The following ALDH3A1 variants were observed in gnomAD, a reference collection of about 807,000 sequenced individuals.
The protein encoded by ALDH3A1 is aldehyde dehydrogenase, dimeric NADP-preferring.
In ALDH3A1, 46 loss-of-function variants were observed where a neutral mutation model predicts 49.9. That is an observed-to-expected ratio of 0.92 (90% CI 0.73 to 1.18). The LOEUF is 1.18. Ranked by LOEUF, ALDH3A1 falls within the 50% of genes most tolerant of loss-of-function variation. The pLI, the probability that ALDH3A1 is intolerant of heterozygous loss-of-function variation, is 0.00. For missense variants in ALDH3A1, 592 were observed against 611.8 expected (o/e 0.97, Z 0.34); for synonymous variants, 269 against 253.3 (o/e 1.06, Z -0.59).
At chr17:19,742,426 C>G in intron 4 of ALDH3A1, 119 bp downstream of exon 4, 1 of 1,248,336 alleles carries the variant, frequency 8.0e-7, no homozygotes, top group Non-Finnish European at 1.1e-6. Context: ...GAACAATCCT[C>G]AGCCCCACCA....
rs553737482 is a variant in ALDH3A1, at chr17:19,740,469, G to A, written c.816C>T (p.Tyr272=). 16 of 1,613,874 alleles carry A rather than the reference G, an allele frequency of 9.9e-6. No homozygotes were observed. The highest frequency in any genetic ancestry group is 2.7e-5 in the African/African-American group (2 of 74,932). The change falls in exon 7 of 11, where the codon TAC becomes TAT. Residue 272 remains tyrosine (Y), a synonymous_variant. Coordinates refer to ENST00000225740, the MANE Select transcript of ALDH3A1 (RefSeq NM_000691.5). ...CCCGGGATTTCTTAGCATCTTCCCC[G>A]TAGAACTCCTGTGGAGAAGAGGTGG... ...EKLKKSLKEF[Y]GEDAKKSRDY... is the part of the protein sequence containing the mutation.
Position 19,742,395 on chromosome 17 carries a change from A to G in ALDH3A1, c.480+150T>C, listed in dbSNP as rs2152374822. Reference sequence around the variant, plus strand: ...TGGCCCAGGGGCTCTGTTCACCCCAATGAGAGAGGGCAGCTGCTAAGAACA... The same window carrying G: ...TGGCCCAGGGGCTCTGTTCACCCCAGTGAGAGAGGGCAGCTGCTAAGAACA... On this transcript the variant is annotated intron_variant, in intron 4 of 10. Transcript: ENST00000225740. 4.6e-6 allele frequency: 5 copies of G among 1,093,230 alleles called. No homozygotes were observed. The South Asian group carries it at 7.7e-5, about 17-fold the overall frequency. The allele number at this position is 1,093,230 out of a possible 1,614,324, so 67.7% of individuals were successfully genotyped here. A position where few individuals can be genotyped will look rare whatever the true frequency, so the allele number is the denominator to read the frequency against.
chr17:19,739,822 C>G, intron 7 of ALDH3A1, 148 bp from the exon 8 acceptor site: 4 of 990,084 alleles, frequency 4.0e-6, no homozygotes, highest in Non-Finnish European at 5.8e-6. Context: ...AGAGAGGTAC[C>G]CTAGGCACCT....
In ALDH3A1 at chr17:19,743,025, A is replaced by G. The variant is rs1403193067; in HGVS notation, c.394+207T>C. On this transcript the variant is annotated intron_variant, in intron 3 of 10. Transcript: ENST00000225740. The surrounding 1 kb of genome is among the most constrained non-coding windows in gnomAD (Gnocchi z 4.4). ...GTGGGGGAAGGCAGGCCCTCTCTGT[A>G]TCACCAGGTGTGGACACCTGAGCCT... 1 of 1,531,914 alleles carries G rather than the reference A, an allele frequency of 6.5e-7. No individual in the cohort carries two copies. Among genetic ancestry groups the G allele is most frequent in the Non-Finnish European group, 8.7e-7 (1 of 1,145,028 alleles). The allele number at this position is 1,531,914 out of a possible 1,614,324, so 94.9% of individuals were successfully genotyped here. A position where few individuals can be genotyped will look rare whatever the true frequency, so the allele number is the denominator to read the frequency against.
Position 19,738,179 on chromosome 17 carries a change from G to A in ALDH3A1, c.*42C>T, listed in dbSNP as rs532568627. 49 of 1,613,430 alleles carry A rather than the reference G, an allele frequency of 3.0e-5. No individual in the cohort carries two copies. The highest frequency in any genetic ancestry group is 1.6e-4 in the African/African-American group (12 of 74,994). ...AGCCAGTGAGGGTGGTCCGCACTCC[G>A]ATGGGACACAGTATGGCCAGGCCAG... On this transcript the variant is annotated 3_prime_UTR_variant, in exon 11 of 11. Coordinates refer to ENST00000225740, the MANE Select transcript of ALDH3A1 (RefSeq NM_000691.5).
intron 9 of ALDH3A1, 55 bp from the exon 10 acceptor site, chr17:19,738,508 G>A: frequency 6.3e-7 from 1 of 1,585,734 alleles, no homozygotes. Flanking sequence ...GACGCCCCAG[G>A]TTTCCCTCTC....
intron 2 of ALDH3A1, chr17:19,744,135 T>C (rs1452842317): frequency 7.1e-6 from 7 of 985,040 alleles, no homozygotes; most frequent in Non-Finnish European, 8.4e-6. Flanking sequence ...CTGTGGCTCA[T>C]GCCTGTAATC....
chr17:19,744,364 T>C, intron 2 of ALDH3A1: 13 of 951,322 alleles, frequency 1.4e-5, no homozygotes, highest in Non-Finnish European at 1.6e-5. Context: ...GATCGCGCCA[T>C]TACACTCCAG....
rs762196648 is a variant in ALDH3A1, at chr17:19,745,069, G to T, written c.61C>A (p.Arg21Ser). Residue 21 changes from arginine to serine, a missense_variant, in exon 2 of 11, where the codon CGT becomes AGT. Transcript: ENST00000225740. The stretch of plus-strand genomic sequence containing the variant: ...TGCTGGATCCGGAACTGCAGCGGAC[G>T]GGTCCTGCCCGAGCTGAAGGCGGCG... Reference protein sequence around the residue: ...ARAAFSSGRTRPLQFRIQQLE... With the variant: ...ARAAFSSGRTSPLQFRIQQLE... The T allele has an allele frequency of 7.5e-6, 12 of 1,596,220 alleles. No homozygotes were observed. The Admixed American group carries it at 2.0e-4, about 27-fold the overall frequency.
At chr17:19,747,486 C>G (rs150321309) in intron 1 of ALDH3A1, among the ~76,000 whole-genome samples, 4 of 152,362 alleles carry the variant, frequency 2.6e-5, no homozygotes, top group Non-Finnish European at 4.4e-5. Flanking sequence ...GTGGGAAGAG[C>G]CTGGTGAGCG....
At chr17:19,742,976 A>C (rs1212085800) in intron 3 of ALDH3A1, 1 of 1,528,192 alleles carries the variant, frequency 6.5e-7, no homozygotes, top group East Asian at 2.5e-5. Flanking sequence ...ATTAGGTGAC[A>C]GAAGCTCCAG....
rs947418116 is a variant in ALDH3A1, at chr17:19,748,032, C to T, written c.-6+227G>A. ...CGGCCCATCAGGGCCTCTCACTCCACGGCCACCTTGGTGTCCCTGCTCCGC... is the reference window on the plus strand; with the variant it reads ...CGGCCCATCAGGGCCTCTCACTCCATGGCCACCTTGGTGTCCCTGCTCCGC... On this transcript the variant is annotated intron_variant, in intron 1 of 10. Transcript: ENST00000225740. The surrounding 1 kb of genome is among the most constrained non-coding windows in gnomAD (Gnocchi z 4.4). 14 of 218,134 alleles carry T rather than the reference C, an allele frequency of 6.4e-5. No homozygotes were observed. In the South Asian group the frequency reaches 8.7e-4, roughly 13 times the overall value. 13.5% of individuals were successfully genotyped at this position (218,134 alleles called of 1,614,324 possible).
At chr17:19,746,736 CGTGT>C (rs908264641) in intron 1 of ALDH3A1, among the ~76,000 whole-genome samples, 1 of 150,478 alleles carries the variant, frequency 6.6e-6, no homozygotes, top group African/African-American at 2.4e-5. Context: ...CGCGCGTGTG[CGTGT>C]GTGTGTGGGC....
chr17:19,739,108 C>T lies in ALDH3A1; in HGVS notation c.1117-13G>A. 6.2e-7 allele frequency: 1 copy of T among 1,609,992 alleles called. No individual in the cohort carries two copies. Among genetic ancestry groups the T allele is most frequent in the Non-Finnish European group, 8.5e-7 (1 of 1,178,548 alleles). On this transcript the variant is annotated splice_polypyrimidine_tract_variant and intron_variant, in intron 8 of 10. Transcript: ENST00000225740. The stretch of plus-strand genomic sequence containing the variant: ...TCTTCTTAATCACCTGCACCAGGAC[C>T]CAGCCACTGGCCTCAGTCTCCTGCC...
At position 19,738,001 on chromosome 17, in the gene ALDH3A1, T is replaced by G; in HGVS notation, c.*220A>C. The G allele has an allele frequency of 1.4e-6, 2 of 1,473,054 alleles. No individual in the cohort carries two copies. Among genetic ancestry groups the G allele is most frequent in the East Asian group, 2.5e-5 (1 of 40,096 alleles). The allele number at this position is 1,473,054 out of a possible 1,614,324, so 91.2% of individuals were successfully genotyped here. A position where few individuals can be genotyped will look rare whatever the true frequency, so the allele number is the denominator to read the frequency against. ...TGCCTGCATTTGCTGAGTTAGAAAA[T>G]TGTATTCGTCTCTTTATTGGTCTAG... On this transcript the variant is annotated 3_prime_UTR_variant, in exon 11 of 11. Transcript: ENST00000225740.
rs1465915489 is a variant in ALDH3A1 at position 19,743,395 on chromosome 17, C to A, written c.231G>T (p.Lys77Asn). The A allele has an allele frequency of 6.2e-7, 1 of 1,614,128 alleles. No homozygotes were observed. The part of the protein sequence containing the change: ...VLEEIEYMIQ[K>N]LPEWAADEPV... ...GCTCATCCGCGGCCCACTCAGGGAG[C>A]TTCTGGATCATGTACTCGATCTCCT... Residue 77 changes from lysine to asparagine, a missense_variant, in exon 3 of 11, where the codon AAG becomes AAT. Physicochemically the swap from Lys to Asn is moderately conservative, Grantham distance 94. Coordinates refer to ENST00000225740, the MANE Select transcript of ALDH3A1 (RefSeq NM_000691.5). This position sits in a 1 kb window ranked among gnomAD's most constrained non-coding sequence, Gnocchi z 4.4.
At chr17:19,744,929 C>T in intron 2 of ALDH3A1, 39 bp downstream of exon 2, 1 of 724,594 alleles carries the variant, frequency 1.4e-6, no homozygotes. Flanking sequence ...CATCGCATGG[C>T]CCCGACACTG....
chr17:19,743,989 C>T lies in ALDH3A1; in HGVS notation c.163-526G>A, dbSNP rs1020250424. 6.1e-6 allele frequency: 6 copies of T among 985,182 alleles called. No individual in the cohort carries two copies. The Admixed American group carries it at 2.5e-4, about 40-fold the overall frequency. The allele number at this position is 985,182 out of a possible 1,614,324, so 61.0% of individuals were successfully genotyped here. A position where few individuals can be genotyped will look rare whatever the true frequency, so the allele number is the denominator to read the frequency against. On this transcript the variant is annotated intron_variant, in intron 2 of 10. Coordinates refer to ENST00000225740, the MANE Select transcript of ALDH3A1 (RefSeq NM_000691.5). This position sits in a 1 kb window ranked among gnomAD's most constrained non-coding sequence, Gnocchi z 4.4. ...GAGGAGATGCAGACGGCGGAAAACG[C>T]GTCTCTTTTATAAACTTGGGCTGTG...
intron 7 of ALDH3A1, 134 bp downstream of exon 7, chr17:19,740,202 C>T: frequency 8.1e-7 from 1 of 1,232,552 alleles, no homozygotes; most frequent in Non-Finnish European, 1.1e-6. Context: ...CTACCGCAGG[C>T]TCCCTGGTGA....
Sources: allele counts gnomAD v4.1 joint callset (sites outside exome capture counted in the v4.1 genomes callset), GRCh38; gene constraint gnomAD v4.1.1; non-coding constraint Gnocchi (gnomAD v3.1); transcripts MANE v1.5; gene names NCBI Gene and HGNC (gene_info 2026-07-23, HGNC 2026-07-21).